Variants in CSNK1G2 observed in about 807,000 individuals in gnomAD.
CSNK1G2 encodes casein kinase 1 gamma 2.
Under a neutral mutation model 48.0 loss-of-function variants are expected in CSNK1G2, and 11 were observed. The ratio of observed to expected loss-of-function variants is 0.23; its 90% CI spans 0.14 to 0.38. CSNK1G2 has a LOEUF of 0.38. Ranked by LOEUF, CSNK1G2 falls within the 10% of genes least tolerant of loss-of-function variation. The probability of loss-of-function intolerance (pLI) is 1.00; values close to 1 mark genes in which losing one functional copy is unlikely to be tolerated. For missense variants in CSNK1G2, 446 were observed against 595.5 expected (o/e 0.75, Z 2.61); for synonymous variants, 337 against 254.1 (o/e 1.33, Z -3.10).
At chr19:1,962,817 C>T (rs576567569) in intron 1 of CSNK1G2, among the ~76,000 whole-genome samples, 6 of 152,238 alleles carry the variant, frequency 3.9e-5, no homozygotes, top group South Asian at 2.1e-4. Flanking sequence ...CGACCCAGCA[C>T]GACCACTCCC....
Position 1,978,169 on chromosome 19 carries a change from T to G in CSNK1G2, c.188-136T>G. On this transcript the variant is annotated intron_variant, in intron 2 of 11. Coordinates refer to ENST00000255641, the MANE Select transcript of CSNK1G2 (RefSeq NM_001319.7). The surrounding 1 kb of genome is among the most constrained non-coding windows in gnomAD (Gnocchi z 7.3). ...GCTCTGGCAGGCTGGGCCCAGGCCC[T>G]GCTGCTGGGCAGTGGTGTCATTTGG... The G allele has an allele frequency of 3.4e-6, 3 of 882,802 alleles. No homozygotes were observed. The highest frequency in any genetic ancestry group is 1.5e-5 in the South Asian group (1 of 68,408). 54.7% of individuals were successfully genotyped at this position (882,802 alleles called of 1,614,324 possible).
At chr19:1,962,633 A>G (rs1163725934) in intron 1 of CSNK1G2, among the ~76,000 whole-genome samples, 1 of 152,174 alleles carries the variant, frequency 6.6e-6, no homozygotes, top group Non-Finnish European at 1.5e-5. Context: ...ATTGTGCTCC[A>G]GCCTGGGCGA....
rs1428955897 is a variant in CSNK1G2, at chr19:1,957,788, T to C, written c.-265-11720T>C. Among the ~76,000 whole-genome samples the C allele has an allele frequency of 7.1e-6, 1 of 140,592 alleles. No homozygotes were observed. The highest frequency in any genetic ancestry group is 2.7e-5 in the African/African-American group (1 of 37,188). The allele number at this position is 140,592 out of a possible 152,430, so 92.2% of individuals were successfully genotyped here. A position where few individuals can be genotyped will look rare whatever the true frequency, so the allele number is the denominator to read the frequency against. On this transcript the variant is annotated intron_variant, in intron 1 of 11. Transcript: ENST00000255641. This position sits in a 1 kb window ranked among gnomAD's most constrained non-coding sequence, Gnocchi z 5.4. ...TGGGGTGTGTGCTCGGTGGGTGCCGTGTGTGGGGGGTATGTGCTCGGCGGG... is the reference window on the plus strand; with the variant it reads ...TGGGGTGTGTGCTCGGTGGGTGCCGCGTGTGGGGGGTATGTGCTCGGCGGG...
At chr19:1,946,290 T>TTTATTTATTTATTTA (rs1555678394) in intron 1 of CSNK1G2, among the ~76,000 whole-genome samples, 2,728 of 69,086 alleles carry the variant, frequency 0.039, 55 homozygotes, top group East Asian at 0.11. Context: ...TTATTTATTT[T>TTTATTTATTTATTTA]TTATTTATTT....
At position 1,977,070 on chromosome 19, in the gene CSNK1G2, C is replaced by T. The variant is rs143370912; in HGVS notation, c.188-1235C>T. Among the ~76,000 whole-genome samples, 1,331 of 152,334 alleles carry T rather than the reference C, an allele frequency of 8.7e-3. 29 individuals are homozygous for T. The highest frequency in any genetic ancestry group is 0.05 in the Admixed American group (763 of 15,298). On this transcript the variant is annotated intron_variant, in intron 2 of 11. Coordinates refer to ENST00000255641, the MANE Select transcript of CSNK1G2 (RefSeq NM_001319.7). ...GCCTCATTCTGCAGCGTATGCTACT[C>T]GGGCAAAGGCAGCTGACTGCAGACC...
chr19:1,953,267 G>T, intron 1 of CSNK1G2: 1 of 420,052 alleles, frequency 2.4e-6, no homozygotes, highest in Non-Finnish European at 4.8e-6. Context: ...CCCCTGGCAA[G>T]ACCAGGTCAG....
At chr19:1,955,216 G>C (rs998099354) in intron 1 of CSNK1G2, among the ~76,000 whole-genome samples, 30 of 152,128 alleles carry the variant, frequency 2.0e-4, no homozygotes, top group African/African-American at 6.5e-4. Flanking sequence ...CTTGTTTGTG[G>C]GGGCAGGGGG....
At chr19:1,966,430 G>T (rs762690625) in intron 1 of CSNK1G2, among the ~76,000 whole-genome samples, 3 of 152,168 alleles carry the variant, frequency 2.0e-5, no homozygotes, top group African/African-American at 2.4e-5. Flanking sequence ...TCGCTGTCTC[G>T]CGAGAAAACT....
At chr19:1,943,743 C>A (rs536985573) in intron 1 of CSNK1G2, among the ~76,000 whole-genome samples, 1 of 152,328 alleles carries the variant, frequency 6.6e-6, no homozygotes, top group African/African-American at 2.4e-5. Flanking sequence ...TTAGGGACAG[C>A]CGGAGTTGCT....
rs532164667 is a variant in CSNK1G2, at chr19:1,950,710, C to A, written c.-266+9292C>A. Among the ~76,000 whole-genome samples the A allele has an allele frequency of 2.1e-5, 3 of 145,378 alleles. 1 individual carries two copies. Among genetic ancestry groups the A allele is most frequent in the Non-Finnish European group, 4.5e-5 (3 of 66,956 alleles). The stretch of plus-strand genomic sequence containing the variant: ...TGCCGCCCACCGAACACCAAGGCAC[C>A]TTCTCGTGCCCCAGAGGCCACCAGC... On this transcript the variant is annotated intron_variant, in intron 1 of 11. Coordinates refer to ENST00000255641, the MANE Select transcript of CSNK1G2 (RefSeq NM_001319.7).
rs968126423 is a variant in CSNK1G2, at chr19:1,941,397, G to C, written c.-287G>C. 2.0e-5 allele frequency: 3 copies of C among 149,108 alleles called. No homozygotes were observed. Among genetic ancestry groups the C allele is most frequent in the African/African-American group, 7.3e-5 (3 of 41,172 alleles). The allele number at this position is 149,108 out of a possible 1,614,324, so 9.2% of individuals were successfully genotyped here. ...CCGGCCGCCCAGACGCTGCCCGCGG[G>C]CCCGGCCACGGCGGAGCCAAGGTAA... On this transcript the variant is annotated 5_prime_UTR_variant, in exon 1 of 12. Coordinates refer to ENST00000255641, the MANE Select transcript of CSNK1G2 (RefSeq NM_001319.7).
At position 1,962,180 on chromosome 19, in the gene CSNK1G2, A is replaced by G. The variant is rs184931901; in HGVS notation, c.-265-7328A>G. ...CCCCGTGTCTGCTAAAAATAACAAA[A>G]ATTAGCCAGATGTGGTGGCAGGTGC... On this transcript the variant is annotated intron_variant, in intron 1 of 11. Transcript: ENST00000255641. 2.6e-5 allele frequency among the ~76,000 whole-genome samples: 4 copies of G among 152,086 alleles called. No homozygotes were observed. In the East Asian group the frequency reaches 7.7e-4, roughly 29 times the overall value.
intron 2 of CSNK1G2, chr19:1,975,787 A>G (rs1372491475): frequency 3.0e-6 from 3 of 984,308 alleles, no homozygotes; most frequent in Non-Finnish European, 3.6e-6. Context: ...TGTAATCCCA[A>G]CACTTTGGGA....
chr19:1,956,987 G>T (rs1448906727), intron 1 of CSNK1G2, among the ~76,000 whole-genome samples: 1 of 152,220 alleles, frequency 6.6e-6, no homozygotes, highest in Non-Finnish European at 1.5e-5. Flanking sequence ...GAAGAGAGAA[G>T]GAGGGAGGAG....
chr19:1,953,551 C>T (rs754750076), intron 1 of CSNK1G2: 2 of 514,282 alleles, frequency 3.9e-6, no homozygotes, highest in South Asian at 1.4e-5. Context: ...GTTGCAGGGA[C>T]AGTGCCCTCC....
chr19:1,953,073 A>C (rs1339769040), intron 1 of CSNK1G2: 1 of 397,636 alleles, frequency 2.5e-6, no homozygotes, highest in Non-Finnish European at 4.8e-6. Flanking sequence ...ACGGCCGTTC[A>C]TGGTTACGCT....
At chr19:1,962,769 G>A (rs2015239864) in intron 1 of CSNK1G2, among the ~76,000 whole-genome samples, 1 of 146,190 alleles carries the variant, frequency 6.8e-6, no homozygotes, top group Non-Finnish European at 1.5e-5. Flanking sequence ...CTGTGGAGAC[G>A]ACCTGGTGGC....
chr19:1,961,864 G>A (rs1053921012), intron 1 of CSNK1G2, among the ~76,000 whole-genome samples: 2 of 152,206 alleles, frequency 1.3e-5, no homozygotes, highest in African/African-American at 2.4e-5. Context: ...AAGCAGGGGT[G>A]AGGGGCACCG....
At chr19:1,948,748 A>G (rs979607330) in intron 1 of CSNK1G2, among the ~76,000 whole-genome samples, 1 of 152,176 alleles carries the variant, frequency 6.6e-6, no homozygotes, top group African/African-American at 2.4e-5. Context: ...CCCCTCATGT[A>G]GCAAAATACC....
Sources: gnomAD v4.1 joint callset for allele counts (sites outside exome capture counted in the v4.1 genomes callset) on GRCh38, gnomAD v4.1.1 for gene constraint, Gnocchi (gnomAD v3.1) non-coding constraint, MANE v1.5 for transcripts, NCBI Gene and HGNC (gene_info 2026-07-23, HGNC 2026-07-21) for gene names.